The following GPC5 variants were observed in gnomAD, a reference collection of about 807,000 sequenced individuals.
GPC5 encodes the protein glypican 5, also known as glypican-5.
Under a neutral mutation model 53.9 loss-of-function variants are expected in GPC5, and 47 were observed. That is an observed-to-expected ratio of 0.87 (90% CI 0.69 to 1.11). The LOEUF is 1.11. Among genes scored for constraint, GPC5 ranks in the 50% most tolerant of loss-of-function variants. GPC5 has a pLI of 0.00. For missense variants in GPC5, 748 were observed against 713.1 expected (o/e 1.05, Z -0.56); for synonymous variants, 286 against 263.3 (o/e 1.09, Z -0.84).
At chr13:92,532,001 T>C (rs548178073) in intron 7 of GPC5, among the ~76,000 whole-genome samples, 1 of 152,272 alleles carries the variant, frequency 6.6e-6, no homozygotes, top group East Asian at 1.9e-4. Flanking sequence ...TTTAGAGAAT[T>C]TTATATGGTT....
intron 1 of GPC5, among the ~76,000 whole-genome samples, chr13:91,409,851 G>A (rs995223873): frequency 6.6e-6 from 1 of 152,042 alleles, no homozygotes; most frequent in Non-Finnish European, 1.5e-5. Flanking sequence ...GTCAACCCTT[G>A]TCCACCTCCC....
chr13:91,566,797 A>G (rs895734098), intron 2 of GPC5, among the ~76,000 whole-genome samples: 2 of 152,206 alleles, frequency 1.3e-5, no homozygotes, highest in Admixed American at 1.3e-4. Context: ...ATTATATTTT[A>G]ATACTTTTCA....
At chr13:91,806,391 A>G (rs1396568708) in intron 5 of GPC5, among the ~76,000 whole-genome samples, 1 of 151,256 alleles carries the variant, frequency 6.6e-6, no homozygotes, top group Admixed American at 6.6e-5. Context: ...AGCAGAATTT[A>G]TTTTTTAATT....
At chr13:92,832,716 C>T (rs963959265) in intron 7 of GPC5, among the ~76,000 whole-genome samples, 1 of 152,070 alleles carries the variant, frequency 6.6e-6, no homozygotes, top group Non-Finnish European at 1.5e-5. Context: ...CCAAAAATAC[C>T]CACAATTTTG....
At chr13:92,486,861 AT>A (rs71671851) in intron 7 of GPC5, among the ~76,000 whole-genome samples, 24 of 148,952 alleles carry the variant, frequency 1.6e-4, no homozygotes, top group East Asian at 4.0e-4. Context: ...GGGGACAGGG[AT>A]TTTTTTTTTT....
Position 91,797,593 on chromosome 13 carries a change from T to A in GPC5, c.1280+41173T>A, listed in dbSNP as rs548441077. The stretch of plus-strand genomic sequence containing the variant: ...AAAAAGATATTTAACGTATTTAACA[T>A]CTAATTTAGATATTAGAAAGCAGGT... On this transcript the variant is annotated intron_variant, in intron 5 of 7. Coordinates refer to ENST00000377067, the MANE Select transcript of GPC5 (RefSeq NM_004466.6). Among the ~76,000 whole-genome samples, 5 of 152,330 alleles carry A rather than the reference T, an allele frequency of 3.3e-5. No homozygotes were observed. The East Asian group carries it at 9.6e-4, about 29-fold the overall frequency.
chr13:91,976,730 G>C (rs1417924645), intron 6 of GPC5, among the ~76,000 whole-genome samples: 1 of 152,132 alleles, frequency 6.6e-6, no homozygotes, highest in African/African-American at 2.4e-5. Context: ...TAAGACAAAT[G>C]TAAGTTTCAG....
Position 92,256,971 on chromosome 13 carries a change from T to C in GPC5, c.1561+111982T>C, listed in dbSNP as rs959505722. ...TTAGTAGCTCCCGATTTCTCTCTCTTCCCAGCCACTGGCATCCACCATGCC... is the reference window on the plus strand; with the variant it reads ...TTAGTAGCTCCCGATTTCTCTCTCTCCCCAGCCACTGGCATCCACCATGCC... On this transcript the variant is annotated intron_variant, in intron 7 of 7. Transcript: ENST00000377067. Among the ~76,000 whole-genome samples the C allele has an allele frequency of 2.6e-5, 4 of 151,998 alleles. No individual in the cohort carries two copies. In the East Asian group the frequency reaches 7.7e-4, roughly 29 times the overall value.
At chr13:92,488,636 C>T (rs1879648733) in intron 7 of GPC5, among the ~76,000 whole-genome samples, 1 of 152,138 alleles carries the variant, frequency 6.6e-6, no homozygotes, top group South Asian at 2.1e-4. Context: ...AGGCAGAATT[C>T]ATTCAAAGCC....
intron 7 of GPC5, among the ~76,000 whole-genome samples, chr13:92,438,383 AAT>A (rs66984887): frequency 0.72 from 88,043 of 122,990 alleles, 28,469 homozygotes; most frequent in Non-Finnish European, 0.78. Flanking sequence ...AAGCAAAATA[AAT>A]ATATATATAT....
intron 7 of GPC5, among the ~76,000 whole-genome samples, chr13:92,631,332 C>A (rs547582104): frequency 6.6e-6 from 1 of 152,104 alleles, no homozygotes; most frequent in African/African-American, 2.4e-5. Context: ...CTTTGCATTT[C>A]TAGACAGCCA....
intron 7 of GPC5, among the ~76,000 whole-genome samples, chr13:92,305,144 C>T (rs1268944202): frequency 6.6e-6 from 1 of 152,120 alleles, no homozygotes; most frequent in Non-Finnish European, 1.5e-5. Context: ...GTCCTATTGT[C>T]ATCAGAAACA....
intron 6 of GPC5, among the ~76,000 whole-genome samples, chr13:92,135,931 AT>A (rs899253135): frequency 1.3e-5 from 2 of 152,196 alleles, no homozygotes; most frequent in African/African-American, 4.8e-5. Context: ...AAATGTGAAG[AT>A]TTGTGGTATT....
rs560589229 is a variant in GPC5, at chr13:91,664,508, A to T, written c.326-28679A>T. On this transcript the variant is annotated intron_variant, in intron 2 of 7. Transcript: ENST00000377067. ...TTTTGAGTTTTATTTTGGATTACTT[A>T]CTGCTCTTAGAGGCAAATTGCTATC... Among the ~76,000 whole-genome samples the T allele has an allele frequency of 1.7e-3, 261 of 152,344 alleles. 2 individuals carry two copies. Among genetic ancestry groups the T allele is most frequent in the African/African-American group, 5.8e-3 (243 of 41,600 alleles).
intron 2 of GPC5, among the ~76,000 whole-genome samples, chr13:91,609,789 C>G (rs1489405366): frequency 6.6e-6 from 1 of 152,170 alleles, no homozygotes; most frequent in African/African-American, 2.4e-5. Flanking sequence ...AAACTTTGCT[C>G]ACTGGGCTGA....
chr13:92,308,686 A>G (rs1358618803), intron 7 of GPC5, among the ~76,000 whole-genome samples: 5 of 152,058 alleles, frequency 3.3e-5, no homozygotes, highest in Admixed American at 1.3e-4. Context: ...TATCTTTTCC[A>G]GTTCCTTGTG....
chr13:91,539,388 C>T (rs1270527150), intron 2 of GPC5, among the ~76,000 whole-genome samples: 4 of 152,092 alleles, frequency 2.6e-5, no homozygotes, highest in African/African-American at 9.7e-5. Flanking sequence ...TATCAGGAAT[C>T]TTTTCTACCT....
chr13:92,359,571 T>A lies in GPC5; in HGVS notation c.1561+214582T>A, dbSNP rs1010253895. Among the ~76,000 whole-genome samples, 10 of 151,536 alleles carry A rather than the reference T, an allele frequency of 6.6e-5. 2 individuals carry two copies. The highest frequency in any genetic ancestry group is 2.4e-4 in the African/African-American group (10 of 40,878). The stretch of plus-strand genomic sequence containing the variant: ...TATCGCATTACTATAAAGAACTACA[T>A]GAGACTGGGTAATTTATAAAGAAAA... On this transcript the variant is annotated intron_variant, in intron 7 of 7. Transcript: ENST00000377067.
rs147244851 is a variant in GPC5 at position 92,390,072 on chromosome 13, G to A, written c.1561+245083G>A. Among the ~76,000 whole-genome samples, 654 of 152,158 alleles carry A rather than the reference G, an allele frequency of 4.3e-3. 3 individuals carry two copies. Among genetic ancestry groups the A allele is most frequent in the Middle Eastern group, 0.01 (3 of 294 alleles). On this transcript the variant is annotated intron_variant, in intron 7 of 7. Coordinates refer to ENST00000377067, the MANE Select transcript of GPC5 (RefSeq NM_004466.6). ...AATTTTGTCTTGATTCAAGGGATTT[G>A]TTTTAATGACCATAGGTGGTCAAGA...
Sources: gnomAD v4.1 joint callset for allele counts (sites outside exome capture counted in the v4.1 genomes callset) on GRCh38, gnomAD v4.1.1 for gene constraint, MANE v1.5 for transcripts, NCBI Gene and HGNC (gene_info 2026-07-23, HGNC 2026-07-21) for gene names.